Variants in SORCS2 observed in about 807,000 individuals in gnomAD.
The protein encoded by SORCS2 is VPS10 domain-containing receptor SorCS2.
A neutral mutation model predicts 141.6 loss-of-function variants in SORCS2; 100 were observed. The observed-to-expected ratio is 0.71, with a 90% confidence interval of 0.60 to 0.83. The LOEUF is 0.83. Among genes scored for constraint, SORCS2 ranks in the 40% least tolerant of loss-of-function variants. The pLI is 0.00. For missense variants in SORCS2, 1,646 were observed against 1,560.2 expected, an observed-to-expected ratio of 1.05 and a Z score of -0.93; for synonymous variants, 789 against 676.9, an observed-to-expected ratio of 1.17 and a Z score of -2.57.
chr4:7,437,415 A>G (rs544826449), intron 2 of SORCS2, among the ~76,000 whole-genome samples: 17 of 152,232 alleles, frequency 1.1e-4, no homozygotes, highest in African/African-American at 4.1e-4. Context: ...GTGTTCACCA[A>G]CCCAGAAGCT....
intron 4 of SORCS2, among the ~76,000 whole-genome samples, chr4:7,647,266 C>G (rs1441968813): frequency 6.6e-6 from 1 of 152,172 alleles, no homozygotes; most frequent in Admixed American, 6.5e-5. Context: ...TTCTTTAAGA[C>G]AATTTAGCAA....
intron 10 of SORCS2, among the ~76,000 whole-genome samples, chr4:7,688,915 AC>A (rs1419719200): frequency 6.6e-6 from 1 of 151,704 alleles, no homozygotes; most frequent in African/African-American, 2.4e-5. Context: ...CACTTAACCC[AC>A]CCCTCTGTAT....
chr4:7,621,881 A>T (rs1045936116), intron 3 of SORCS2, among the ~76,000 whole-genome samples: 1 of 152,198 alleles, frequency 6.6e-6, no homozygotes, highest in East Asian at 1.9e-4. Flanking sequence ...CAGCCTGGCG[A>T]GAGCCTGCTG....
intron 11 of SORCS2, among the ~76,000 whole-genome samples, chr4:7,695,926 T>TG (rs1724673186): frequency 1.9e-3 from 74 of 39,506 alleles, no homozygotes; most frequent in Middle Eastern, 0.019. Flanking sequence ...ATGGATGGAT[T>TG]GGTGGGTGGG....
intron 2 of SORCS2, among the ~76,000 whole-genome samples, chr4:7,441,704 A>C (rs1451842921): frequency 5.2e-5 from 5 of 96,116 alleles, no homozygotes; most frequent in Non-Finnish European, 1.0e-4. Context: ...GTTGTCATCC[A>C]CCTCCTCCCC....
chr4:7,210,168 G>A (rs1485241584), intron 1 of SORCS2, among the ~76,000 whole-genome samples: 1 of 152,368 alleles, frequency 6.6e-6, no homozygotes, highest in East Asian at 1.9e-4. Flanking sequence ...GTGGGGCCAG[G>A]TGGGTGGGGA....
In SORCS2 at chr4:7,414,763, A is replaced by G. The variant is rs1023566126; in HGVS notation, c.548+18408A>G. Reference sequence around the variant, plus strand: ...GTTCTAAATCTTTCATTATAATTAGATATAGGGTCTATGCTGGACACGAAC... The same window carrying G: ...GTTCTAAATCTTTCATTATAATTAGGTATAGGGTCTATGCTGGACACGAAC... On this transcript the variant is annotated intron_variant, in intron 2 of 26. Coordinates refer to ENST00000507866, the MANE Select transcript of SORCS2 (RefSeq NM_020777.3). Among the ~76,000 whole-genome samples the G allele has an allele frequency of 2.6e-5, 4 of 152,230 alleles. No homozygotes were observed. In the South Asian group the frequency reaches 8.3e-4, roughly 32 times the overall value.
chr4:7,252,968 A>G (rs1454325639), intron 1 of SORCS2, among the ~76,000 whole-genome samples: 1 of 152,194 alleles, frequency 6.6e-6, no homozygotes, highest in African/African-American at 2.4e-5. Flanking sequence ...AAGCTGCATG[A>G]CTGTCCCAGC....
In SORCS2 at chr4:7,647,001, C is replaced by T. The variant is rs181072792; in HGVS notation, c.814-7133C>T. On this transcript the variant is annotated intron_variant, in intron 4 of 26. Coordinates refer to ENST00000507866, the MANE Select transcript of SORCS2 (RefSeq NM_020777.3). Reference sequence around the variant, plus strand: ...GGCCCAGGGCAACCACTCAGGGCCTCGTCTGTCAGGCCGGGAGACCCGGAC... The same window carrying T: ...GGCCCAGGGCAACCACTCAGGGCCTTGTCTGTCAGGCCGGGAGACCCGGAC... Among the ~76,000 whole-genome samples, 48 of 152,178 alleles carry T rather than the reference C, an allele frequency of 3.2e-4. No homozygotes were observed. In the East Asian group the frequency reaches 8.9e-3, roughly 28 times the overall value.
At chr4:7,366,174 C>T (rs1369805280) in intron 1 of SORCS2, among the ~76,000 whole-genome samples, 5 of 152,134 alleles carry the variant, frequency 3.3e-5, no homozygotes, top group Non-Finnish European at 5.9e-5. Context: ...CCCGTCATCT[C>T]GAAGGTGAGG....
chr4:7,451,723 T>C (rs1190403097), intron 2 of SORCS2, among the ~76,000 whole-genome samples: 1 of 152,126 alleles, frequency 6.6e-6, no homozygotes, highest in Non-Finnish European at 1.5e-5. Flanking sequence ...GCTATAGAAG[T>C]GTTCAGAGCA....
At chr4:7,202,498 C>G (rs746278002) in intron 1 of SORCS2, among the ~76,000 whole-genome samples, 9 of 152,194 alleles carry the variant, frequency 5.9e-5, no homozygotes, top group Non-Finnish European at 1.0e-4. Flanking sequence ...CACACCAGCT[C>G]GAAGATCTTA....
intron 2 of SORCS2, among the ~76,000 whole-genome samples, chr4:7,411,498 C>A (rs574418434): frequency 1.3e-5 from 2 of 152,018 alleles, no homozygotes; most frequent in Non-Finnish European, 2.9e-5. Flanking sequence ...TTCTATCCAC[C>A]CTTCCCACCT....
chr4:7,200,170 T>C (rs765943539), intron 1 of SORCS2, among the ~76,000 whole-genome samples: 2 of 152,096 alleles, frequency 1.3e-5, no homozygotes, highest in Non-Finnish European at 2.9e-5. Flanking sequence ...CTGCAGGGAC[T>C]TTCGGTTTGG....
In SORCS2 at chr4:7,580,319, T is replaced by TA. The variant is rs1303802289; in HGVS notation, c.648+48695dup. Reference sequence around the variant, plus strand: ...CAATGTGGTGAAACCCCATCTCTACTAAAAAGATGCAGAAAACAAAAATAG... The same window carrying TA: ...CAATGTGGTGAAACCCCATCTCTACTAAAAAAGATGCAGAAAACAAAAATAG... On this transcript the variant is annotated intron_variant, in intron 3 of 26. Transcript: ENST00000507866. 1.2e-4 allele frequency among the ~76,000 whole-genome samples: 18 copies of TA among 152,070 alleles called. No individual in the cohort carries two copies. The South Asian group carries it at 2.1e-3, about 18-fold the overall frequency.
intron 1 of SORCS2, among the ~76,000 whole-genome samples, chr4:7,299,205 G>A (rs1440934491): frequency 1.3e-5 from 2 of 152,266 alleles, no homozygotes; most frequent in Non-Finnish European, 2.9e-5. Context: ...GGGCCCCCTG[G>A]CAGCCGGAGC....
At chr4:7,446,935 C>T (rs372649241) in intron 2 of SORCS2, among the ~76,000 whole-genome samples, 111 of 152,348 alleles carry the variant, frequency 7.3e-4, no homozygotes, top group East Asian at 5.0e-3. Flanking sequence ...CAGCCTGCTG[C>T]AGGACTAAGG....
At chr4:7,642,713 C>G (rs988898110) in intron 4 of SORCS2, among the ~76,000 whole-genome samples, 2 of 152,172 alleles carry the variant, frequency 1.3e-5, no homozygotes, top group East Asian at 3.9e-4. Context: ...ATTATTTCTT[C>G]TTCCTGGGGC....
At chr4:7,224,285 C>T (rs1189401380) in intron 1 of SORCS2, among the ~76,000 whole-genome samples, 1 of 152,250 alleles carries the variant, frequency 6.6e-6, no homozygotes, top group Non-Finnish European at 1.5e-5. Flanking sequence ...CTGCCTCTAG[C>T]TTAATCCTCC....
Sources: allele counts gnomAD v4.1 joint callset (sites outside exome capture counted in the v4.1 genomes callset), GRCh38; gene constraint gnomAD v4.1.1; transcripts MANE v1.5; gene names NCBI Gene and HGNC (gene_info 2026-07-23, HGNC 2026-07-21).